CRYM: variants seen among roughly 807,000 people sequenced by gnomAD.
CRYM encodes ketimine reductase mu-crystallin.
In CRYM, 18 loss-of-function variants were observed where a neutral mutation model predicts 32.9. The observed-to-expected ratio is 0.55, with a 90% CI of 0.38 to 0.81. The LOEUF (loss-of-function observed/expected upper bound fraction) is 0.81, where lower values mean the gene tolerates loss of function less well. Among genes scored for constraint, CRYM ranks in the 30% least tolerant of loss-of-function variants. CRYM has a pLI of 0.00. For missense variants in CRYM, 337 were observed against 393.5 expected (o/e 0.86, Z 1.21); for synonymous variants, 153 against 152.4 (o/e 1.00, Z -0.03).
intron 1 of CRYM, among the ~76,000 whole-genome samples, chr16:21,288,603 TTCTCTATTTA>T (rs1278490044): frequency 1.6e-4 from 24 of 152,290 alleles, no homozygotes; most frequent in Admixed American, 3.3e-4. Flanking sequence ...TGTTTTTACA[TTCTCTATTTA>T]TCTCTGTTTT....
At chr16:21,279,269 T>C (rs1347916172), upstream of CRYM, among the ~76,000 whole-genome samples, 1 of 152,234 alleles carries the variant, frequency 6.6e-6, no homozygotes, top group Non-Finnish European at 1.5e-5. Flanking sequence ...GGTGTTGTTA[T>C]TAGTTTTACT....
chr16:21,286,366 G>A (rs112246283), intron 1 of CRYM, among the ~76,000 whole-genome samples: 7 of 151,286 alleles, frequency 4.6e-5, no homozygotes, highest in African/African-American at 1.2e-4. Flanking sequence ...TACAGGCGCC[G>A]GCCACCACGC....
intron 5 of CRYM, 180 bp from the exon 6 acceptor site, chr16:21,262,338 C>T (rs905206312): frequency 2.9e-6 from 2 of 679,068 alleles, no homozygotes; most frequent in Non-Finnish European, 5.0e-6. Flanking sequence ...AAGAAATAGG[C>T]CAGGTGTGGT....
At chr16:21,291,436 A>G (rs1422258635) in intron 1 of CRYM, among the ~76,000 whole-genome samples, 1 of 152,140 alleles carries the variant, frequency 6.6e-6, no homozygotes, top group Non-Finnish European at 1.5e-5. Context: ...GAATCTTGAC[A>G]ATAACTCAAG....
chr16:21,262,508 A>T (rs1051695288), intron 5 of CRYM, among the ~76,000 whole-genome samples: 1 of 151,970 alleles, frequency 6.6e-6, no homozygotes, highest in African/African-American at 2.4e-5. Flanking sequence ...AGTCTTTGCT[A>T]CTCTGGAGGC....
chr16:21,271,967 T>C (rs999530456), intron 3 of CRYM, among the ~76,000 whole-genome samples: 2 of 152,028 alleles, frequency 1.3e-5, no homozygotes, highest in African/African-American at 4.8e-5. Context: ...CAAGCGATTC[T>C]CATGCCTCAG....
intron 1 of CRYM, among the ~76,000 whole-genome samples, chr16:21,287,089 CAAA>C (rs71151633): frequency 4.4e-5 from 5 of 113,276 alleles, no homozygotes; most frequent in African/African-American, 3.1e-5. Context: ...GACTCCGTCT[CAAA>C]AAAAAAAAAA....
chr16:21,285,698 A>G (rs192155935), intron 1 of CRYM, among the ~76,000 whole-genome samples: 50 of 152,336 alleles, frequency 3.3e-4, no homozygotes, highest in Non-Finnish European at 6.2e-4. Flanking sequence ...GCAAATAACT[A>G]TTTTGCCATA....
At chr16:21,281,111 T>A (rs913543144), upstream of CRYM, among the ~76,000 whole-genome samples, 78 of 74,754 alleles carry the variant, frequency 1.0e-3, no homozygotes, top group Middle Eastern at 5.2e-3. Flanking sequence ...TCTCTCTCAC[T>A]CTCTCTCTCT....
intron 6 of CRYM, chr16:21,261,660 TC>T (rs781038460): frequency 1.9e-5 from 9 of 478,372 alleles, no homozygotes; most frequent in Non-Finnish European, 3.4e-5. Context: ...GCAGCTCCCT[TC>T]TTGTTTTATG....
At chr16:21,262,353 C>A in intron 5 of CRYM, 195 bp from the exon 6 acceptor site, 1 of 573,480 alleles carries the variant, frequency 1.7e-6, no homozygotes, top group Admixed American at 2.4e-5. Context: ...TGTGGTGGCT[C>A]ACACCTGTAA....
At chr16:21,274,455 C>A (rs1187646780) in intron 3 of CRYM, among the ~76,000 whole-genome samples, 2 of 152,080 alleles carry the variant, frequency 1.3e-5, no homozygotes, top group Non-Finnish European at 2.9e-5. Flanking sequence ...TGTTATGTGG[C>A]TTTTTGGATT....
At chr16:21,274,868 A>G (rs1597620095) in intron 3 of CRYM, among the ~76,000 whole-genome samples, 1 of 152,166 alleles carries the variant, frequency 6.6e-6, no homozygotes, top group African/African-American at 2.4e-5. Context: ...AGCCTCCCAA[A>G]ATGTTGGGAT....
intron 3 of CRYM, among the ~76,000 whole-genome samples, chr16:21,271,669 C>G (rs2093375634): frequency 6.6e-6 from 1 of 152,006 alleles, no homozygotes; most frequent in Non-Finnish European, 1.5e-5. Context: ...GATTTTTTTC[C>G]TTAATTGTTA....
rs745514198 is a variant in CRYM, at chr16:21,267,587, C to G, written c.640G>C (p.Gly214Arg). ...VTLATEPILFGEWVKPGAHIN... is the reference protein window; with the variant it reads ...VTLATEPILFREWVKPGAHIN... ...TGAGCCCCTGGCTTCACCCATTCAC[C>G]AAACAAAATGGGCTCTGTTGCCAGG... The change falls in exon 5 of 8, where the codon GGT (glycine) becomes CGT (arginine). Residue 214 changes from glycine (G) to arginine (R), a missense_variant. Transcript: ENST00000572914. The G allele has an allele frequency of 6.2e-7, 1 of 1,614,100 alleles. No homozygotes were observed. The highest frequency in any genetic ancestry group is 1.7e-5 in the Admixed American group (1 of 60,016).
intron 1 of CRYM, among the ~76,000 whole-genome samples, chr16:21,296,802 A>G (rs1960797480): frequency 6.6e-6 from 1 of 150,406 alleles, no homozygotes; most frequent in Non-Finnish European, 1.5e-5. Flanking sequence ...TGAGGTCAGG[A>G]GATCGAGACC....
At position 21,277,544 on chromosome 16, in the gene CRYM, C is replaced by T; in HGVS notation, c.211G>A (p.Ala71Thr). The T allele has an allele frequency of 6.2e-7, 1 of 1,613,970 alleles. No homozygotes were observed. ...VMPAYSAAED[A>T]LTTKLVTFYE... ...AAGGTGACCAACTTGGTGGTCAGTGCATCCTCTGCAGCACTGTAGGCGGGC... is the reference window on the plus strand; with the variant it reads ...AAGGTGACCAACTTGGTGGTCAGTGTATCCTCTGCAGCACTGTAGGCGGGC... Residue 71 changes from alanine to threonine, a missense_variant, in exon 2 of 8, where the codon GCA becomes ACA. Transcript: ENST00000572914. The surrounding 1 kb of genome is among the most constrained non-coding windows in gnomAD (Gnocchi z 4.2).
intron 6 of CRYM, chr16:21,261,761 C>T: frequency 2.0e-6 from 1 of 488,366 alleles, no homozygotes; most frequent in East Asian, 3.9e-5. Flanking sequence ...CTGCAAGAAG[C>T]TTCCAATCCC....
At chr16:21,262,187 C>T (rs1403042242) in intron 5 of CRYM, 29 bp from the exon 6 acceptor site, 1 of 1,613,654 alleles carries the variant, frequency 6.2e-7, no homozygotes. Context: ...GACCTTAAGC[C>T]CAGGATTAGT....
Sources: allele counts gnomAD v4.1 joint callset (sites outside exome capture counted in the v4.1 genomes callset), GRCh38; gene constraint gnomAD v4.1.1; non-coding constraint Gnocchi (gnomAD v3.1); transcripts MANE v1.5; gene names NCBI Gene and HGNC (gene_info 2026-07-23, HGNC 2026-07-21).